Variants in ASIC2 observed in about 807,000 individuals in gnomAD.
ASIC2 encodes acid sensing ion channel subunit 2.
A neutral mutation model predicts 57.3 loss-of-function variants in ASIC2; 25 were observed. That is an observed-to-expected ratio of 0.44 (90% CI 0.32 to 0.61). ASIC2 has a LOEUF of 0.61. Among genes scored for constraint, ASIC2 ranks in the 20% least tolerant of loss-of-function variants. The pLI is 0.06. For missense variants in ASIC2, 641 were observed against 738.1 expected (o/e 0.87, Z 1.52); for synonymous variants, 319 against 307.5 (o/e 1.04, Z -0.39).
At chr17:33,778,947 G>T (rs963845788) in intron 1 of ASIC2, among the ~76,000 whole-genome samples, 1 of 152,016 alleles carries the variant, frequency 6.6e-6, no homozygotes. Context: ...TCCTTATTTT[G>T]CTCATCCCCC....
intron 1 of ASIC2, among the ~76,000 whole-genome samples, chr17:33,768,506 G>A (rs1911001218): frequency 6.6e-6 from 1 of 152,130 alleles, no homozygotes; most frequent in African/African-American, 2.4e-5. Context: ...TTTAGAGAGA[G>A]GCTGGCATTT....
At chr17:34,013,440 G>T (rs1906841740) in intron 1 of ASIC2, among the ~76,000 whole-genome samples, 1 of 152,222 alleles carries the variant, frequency 6.6e-6, no homozygotes, top group Non-Finnish European at 1.5e-5. Context: ...TGCCATACAT[G>T]CAATGGAGTC....
chr17:33,993,928 T>C lies in ASIC2; in HGVS notation c.555+162050A>G, dbSNP rs144068122. Among the ~76,000 whole-genome samples the C allele has an allele frequency of 4.6e-5, 7 of 152,306 alleles. No homozygotes were observed. In the East Asian group the frequency reaches 1.4e-3, roughly 29 times the overall value. ...CTTGGCATGTGTCTGCCTTCCACAGTGACTGATCTTTTTCTATATACAACC... is the reference window on the plus strand; with the variant it reads ...CTTGGCATGTGTCTGCCTTCCACAGCGACTGATCTTTTTCTATATACAACC... On this transcript the variant is annotated intron_variant, in intron 1 of 9. Transcript: ENST00000359872.
intron 1 of ASIC2, among the ~76,000 whole-genome samples, chr17:33,620,844 A>G (rs948353374): frequency 1.3e-5 from 2 of 152,044 alleles, no homozygotes; most frequent in African/African-American, 4.8e-5. Context: ...AATCAATTCT[A>G]TGCCCATTCC....
At chr17:33,958,679 C>A (rs867167527) in intron 1 of ASIC2, among the ~76,000 whole-genome samples, 30 of 152,114 alleles carry the variant, frequency 2.0e-4, no homozygotes, top group African/African-American at 6.8e-4. Context: ...TCCTCCTAGA[C>A]CTCCCAGCCT....
intron 1 of ASIC2, among the ~76,000 whole-genome samples, chr17:33,852,366 G>A (rs147424850): frequency 3.5e-4 from 53 of 152,194 alleles, no homozygotes; most frequent in African/African-American, 1.1e-3. Context: ...ATCACCTTAC[G>A]TCCCCTTTCT....
intron 1 of ASIC2, among the ~76,000 whole-genome samples, chr17:33,826,498 C>A (rs2141896906): frequency 6.6e-6 from 1 of 152,290 alleles, no homozygotes. Flanking sequence ...TTCCCTTTAA[C>A]AGATAGATTC....
At chr17:34,015,710 C>T (rs1040005636) in intron 1 of ASIC2, among the ~76,000 whole-genome samples, 1 of 152,230 alleles carries the variant, frequency 6.6e-6, no homozygotes, top group African/African-American at 2.4e-5. Flanking sequence ...ATATTCCTTT[C>T]GTAATAAGAT....
At chr17:33,269,652 T>TTCCTTCCTTCCTTCCTTCCC (rs1904378718) in intron 1 of ASIC2, among the ~76,000 whole-genome samples, 1 of 81,536 alleles carries the variant, frequency 1.2e-5, no homozygotes, top group Non-Finnish European at 2.7e-5. Context: ...CCTTCCTTCC[T>TTCCTTCCTTCCTTCCTTCCC]TCCTTCCTTC....
At chr17:33,209,390 G>A (rs557110723) in intron 1 of ASIC2, among the ~76,000 whole-genome samples, 2 of 152,238 alleles carry the variant, frequency 1.3e-5, no homozygotes, top group East Asian at 3.9e-4. Flanking sequence ...TGCATAAAAA[G>A]GAATGTCCCA....
chr17:33,524,549 G>A (rs967860957), intron 1 of ASIC2, among the ~76,000 whole-genome samples: 5 of 152,248 alleles, frequency 3.3e-5, no homozygotes, highest in South Asian at 2.1e-4. Context: ...AGACTCATTC[G>A]GAGGTGTGCA....
At chr17:33,706,815 AT>A (rs1908877845) in intron 1 of ASIC2, among the ~76,000 whole-genome samples, 1 of 152,094 alleles carries the variant, frequency 6.6e-6, no homozygotes, top group Non-Finnish European at 1.5e-5. Context: ...AGATCTCCTC[AT>A]CTTCTTGGTT....
intron 1 of ASIC2, among the ~76,000 whole-genome samples, chr17:33,607,139 G>A (rs937330932): frequency 2.0e-5 from 3 of 152,132 alleles, no homozygotes; most frequent in Non-Finnish European, 4.4e-5. Context: ...AGGATCACAG[G>A]ACCCAGGGGC....
chr17:33,575,777 G>A (rs1916599787), intron 1 of ASIC2, among the ~76,000 whole-genome samples: 1 of 152,118 alleles, frequency 6.6e-6, no homozygotes, highest in African/African-American at 2.4e-5. Flanking sequence ...GGTTTCATGG[G>A]CAGAGGGGCA....
chr17:34,124,603 TAAAC>T (rs1293490486), intron 1 of ASIC2, among the ~76,000 whole-genome samples: 2 of 152,036 alleles, frequency 1.3e-5, no homozygotes, highest in Admixed American at 1.3e-4. Flanking sequence ...TAAGGAAAAA[TAAAC>T]AAACAACAAC....
intron 1 of ASIC2, among the ~76,000 whole-genome samples, chr17:33,273,398 G>A (rs1243277791): frequency 6.6e-6 from 1 of 152,158 alleles, no homozygotes; most frequent in South Asian, 2.1e-4. Flanking sequence ...CTGATATAGG[G>A]TTGTTACTCT....
intron 1 of ASIC2, among the ~76,000 whole-genome samples, chr17:33,630,701 A>G (rs1366234284): frequency 6.6e-6 from 1 of 152,190 alleles, no homozygotes; most frequent in Non-Finnish European, 1.5e-5. Flanking sequence ...AAAAGATAAT[A>G]GTACTTCCCT....
chr17:33,269,216 G>A lies in ASIC2; in HGVS notation c.708+22192C>T, dbSNP rs145346659. ...GAGATTCTTATGCCACATGGGTAGAGTAATAAATCCAGATCCTACACTCAC... is the reference window on the plus strand; with the variant it reads ...GAGATTCTTATGCCACATGGGTAGAATAATAAATCCAGATCCTACACTCAC... On this transcript the variant is annotated intron_variant, in intron 1 of 9. Transcript: ENST00000225823. Among the ~76,000 whole-genome samples the A allele has an allele frequency of 2.1e-3, 318 of 152,242 alleles. 2 individuals are homozygous for A. The highest frequency in any genetic ancestry group is 7.3e-3 in the African/African-American group (302 of 41,534).
chr17:33,868,713 T>A (rs380840), intron 1 of ASIC2, among the ~76,000 whole-genome samples: 103,500 of 151,584 alleles, frequency 0.68, 36,360 homozygotes, highest in Admixed American at 0.8. Flanking sequence ...ATCAAGTACT[T>A]GTATCCCAAA....
Sources: allele counts gnomAD v4.1 joint callset (sites outside exome capture counted in the v4.1 genomes callset), GRCh38; gene constraint gnomAD v4.1.1; transcripts MANE v1.5; gene names NCBI Gene and HGNC (gene_info 2026-07-23, HGNC 2026-07-21).